PCDHGB6: variants seen among roughly 807,000 people sequenced by gnomAD.
PCDHGB6 encodes the protein protocadherin gamma-B6.
A neutral mutation model predicts 59.1 loss-of-function variants in PCDHGB6; 51 were observed. The ratio of observed to expected loss-of-function variants is 0.86; its 90% confidence interval spans 0.69 to 1.09. The LOEUF (loss-of-function observed/expected upper bound fraction) is 1.09. Ranked by LOEUF, PCDHGB6 falls within the 50% of genes least tolerant of loss-of-function variation. The pLI, the probability that PCDHGB6 is intolerant of heterozygous loss-of-function variation, is 0.00. For synonymous variants in PCDHGB6, 466 were observed against 495.1 expected (o/e 0.94, Z 0.78); for missense variants, 1,148 against 1,205.1 (o/e 0.95, Z 0.70).
At chr5:141,506,863 G>A (rs1162975959) in intron 3 of PCDHGB6, among the ~76,000 whole-genome samples, 1 of 152,120 alleles carries the variant, frequency 6.6e-6, no homozygotes, top group Non-Finnish European at 1.5e-5. Context: ...GAGGACTGGT[G>A]GGTAGAGAAC....
At chr5:141,463,034 G>A (rs2099051345) in intron 1 of PCDHGB6, among the ~76,000 whole-genome samples, 2 of 152,112 alleles carry the variant, frequency 1.3e-5, no homozygotes, top group African/African-American at 4.8e-5. Flanking sequence ...ATTAATCTGA[G>A]TGTTCAGCAG....
chr5:141,455,314 T>G (rs565911988), intron 1 of PCDHGB6, among the ~76,000 whole-genome samples: 15 of 152,208 alleles, frequency 9.9e-5, no homozygotes, highest in African/African-American at 3.4e-4. Flanking sequence ...ATTAGCAATT[T>G]TGTGTGTGTG....
chr5:141,409,670 T>C lies in PCDHGB6; in HGVS notation c.1468T>C (p.Ser490Pro), dbSNP rs2095300697. 1.9e-6 allele frequency: 3 copies of C among 1,613,486 alleles called. No homozygotes were observed. In the East Asian group the frequency reaches 6.7e-5, roughly 36 times the overall value. ...DLGLNGHISY[S>P]IVASDLEPLA... ...GGGGCTCAATGGCCACATCTCCTACTCTATAGTGGCGAGTGACCTAGAGCC... is the reference window on the plus strand; with the variant it reads ...GGGGCTCAATGGCCACATCTCCTACCCTATAGTGGCGAGTGACCTAGAGCC... Residue 490 changes from serine to proline, a missense_variant, in exon 1 of 4, where the codon TCT becomes CCT. This residue lies in a region of PCDHGB6 where 549 missense variants were observed against 527.5 expected (regional missense o/e 1.04). Transcript: ENST00000520790.
At chr5:141,464,120 C>G (rs1297254980) in intron 1 of PCDHGB6, among the ~76,000 whole-genome samples, 1 of 151,976 alleles carries the variant, frequency 6.6e-6, no homozygotes, top group African/African-American at 2.4e-5. Flanking sequence ...CAAAAATTAG[C>G]TGGGTGTGGT....
At chr5:141,449,280 C>G (rs934214922) in intron 1 of PCDHGB6, among the ~76,000 whole-genome samples, 1 of 151,944 alleles carries the variant, frequency 6.6e-6, no homozygotes, top group East Asian at 1.9e-4. Context: ...CTCCTTCACC[C>G]GGATGCACCG....
intron 1 of PCDHGB6, among the ~76,000 whole-genome samples, chr5:141,482,207 G>T (rs983812650): frequency 6.6e-6 from 1 of 152,130 alleles, no homozygotes; most frequent in East Asian, 1.9e-4. Flanking sequence ...AAACAGACCA[G>T]GTACTTGTTT....
Position 141,489,712 on chromosome 5 carries a change from C to T in PCDHGB6, c.2419-5095C>T. On this transcript the variant is annotated intron_variant, in intron 1 of 3. Coordinates refer to ENST00000520790, the MANE Select transcript of PCDHGB6 (RefSeq NM_018926.3). The surrounding 1 kb of genome is among the most constrained non-coding windows in gnomAD (Gnocchi z 4.5). The stretch of plus-strand genomic sequence containing the variant: ...GGCACGATTCCCACTGGACAGTGCC[C>T]AGGATCCGGATGTGGGCACCAATAC... The T allele has an allele frequency of 6.2e-7, 1 of 1,614,162 alleles. No individual in the cohort carries two copies. The highest frequency in any genetic ancestry group is 1.1e-5 in the South Asian group (1 of 91,078).
intron 1 of PCDHGB6, 179 bp downstream of exon 1, chr5:141,410,799 C>T: frequency 2.9e-5 from 16 of 560,592 alleles, no homozygotes; most frequent in South Asian, 8.0e-5. Context: ...ATAAGTTGCT[C>T]TATCTTTTTG....
intron 3 of PCDHGB6, among the ~76,000 whole-genome samples, chr5:141,509,320 C>A (rs1261653347): frequency 6.6e-6 from 1 of 152,194 alleles, no homozygotes; most frequent in Non-Finnish European, 1.5e-5. Flanking sequence ...GGGAGAGAAG[C>A]TCTACTGCCA....
rs1485715812 is a variant in PCDHGB6, at chr5:141,485,804, G to T, written c.2419-9003G>T. The T allele has an allele frequency of 6.2e-7, 1 of 1,614,218 alleles. No individual in the cohort carries two copies. The highest frequency in any genetic ancestry group is 1.7e-5 in the Admixed American group (1 of 60,026). ...AGAGAAGCAATCGGACTACCGCCTG[G>T]TGCTGACTGCTGTCGATGGAGGGAA... On this transcript the variant is annotated intron_variant, in intron 1 of 3. Coordinates refer to ENST00000520790, the MANE Select transcript of PCDHGB6 (RefSeq NM_018926.3). This position sits in a 1 kb window ranked among gnomAD's most constrained non-coding sequence, Gnocchi z 5.7.
In PCDHGB6 at chr5:141,485,569, T is replaced by C; in HGVS notation, c.2419-9238T>C. The C allele has an allele frequency of 6.2e-7, 1 of 1,612,664 alleles. No individual in the cohort carries two copies. Among genetic ancestry groups the C allele is most frequent in the Non-Finnish European group, 8.5e-7 (1 of 1,178,890 alleles). ...TAGATGTGAATGATCACGCCCCCCG[T>C]TTTCCGCGGCAGCAGCTGGACTTGG... On this transcript the variant is annotated intron_variant, in intron 1 of 3. Coordinates refer to ENST00000520790, the MANE Select transcript of PCDHGB6 (RefSeq NM_018926.3). This position sits in a 1 kb window ranked among gnomAD's most constrained non-coding sequence, Gnocchi z 5.7.
intron 2 of PCDHGB6, among the ~76,000 whole-genome samples, chr5:141,500,281 T>A (rs1254933339): frequency 2.0e-5 from 3 of 151,934 alleles, no homozygotes; most frequent in Non-Finnish European, 4.4e-5. Context: ...CAATCTCGGC[T>A]CACTGCAAGC....
At chr5:141,446,798 T>C (rs1223789118) in intron 1 of PCDHGB6, among the ~76,000 whole-genome samples, 1 of 152,160 alleles carries the variant, frequency 6.6e-6, no homozygotes, top group Non-Finnish European at 1.5e-5. Flanking sequence ...AGTTCTTCCA[T>C]TGTGATCATC....
chr5:141,444,013 C>T (rs1226458485), intron 1 of PCDHGB6, among the ~76,000 whole-genome samples: 2 of 152,060 alleles, frequency 1.3e-5, no homozygotes, highest in Admixed American at 6.6e-5. Flanking sequence ...TGGGTATTGG[C>T]TTCTAAAAGG....
chr5:141,447,301 G>A (rs557269538), intron 1 of PCDHGB6, among the ~76,000 whole-genome samples: 39 of 152,060 alleles, frequency 2.6e-4, no homozygotes, highest in Non-Finnish European at 1.5e-4. Flanking sequence ...CACCACACCC[G>A]GCTAATTTTT....
rs1248191692 is a variant in PCDHGB6, at chr5:141,419,519, G to T, written c.2418+8899G>T. The T allele has an allele frequency of 1.9e-6, 3 of 1,612,180 alleles. No homozygotes were observed. Among genetic ancestry groups the T allele is most frequent in the Non-Finnish European group, 1.7e-6 (2 of 1,179,504 alleles). ...TGTGAGCCTGCGCGTGTTGGTGGGC[G>T]ACCGTAACGACAACGCACCGCGGGT... On this transcript the variant is annotated intron_variant, in intron 1 of 3. Coordinates refer to ENST00000520790, the MANE Select transcript of PCDHGB6 (RefSeq NM_018926.3).
chr5:141,410,438 G>A lies in PCDHGB6; in HGVS notation c.2236G>A (p.Gly746Arg), dbSNP rs957017717. 2.5e-6 allele frequency: 4 copies of A among 1,613,894 alleles called. No homozygotes were observed. The highest frequency in any genetic ancestry group is 2.7e-5 in the African/African-American group (2 of 74,926). The part of the protein sequence containing the change: ...GPVVPPNYSE[G>R]TLPYSYNLCI... ...TGTAGTTCCCCCCAACTACAGTGAGGGGACTTTGCCTTATTCTTATAATCT... is the reference window on the plus strand; with the variant it reads ...TGTAGTTCCCCCCAACTACAGTGAGAGGACTTTGCCTTATTCTTATAATCT... Residue 746 changes from glycine (G) to arginine (R), a missense_variant, in exon 1 of 4, where the codon GGG becomes AGG. By Grantham distance (125) the Gly-to-Arg change is moderately radical (BLOSUM62 -2). Coordinates refer to ENST00000520790, the MANE Select transcript of PCDHGB6 (RefSeq NM_018926.3).
rs769607720 is a variant in PCDHGB6 at position 141,489,346 on chromosome 5, G to A, written c.2419-5461G>A. 4 of 1,611,652 alleles carry A rather than the reference G, an allele frequency of 2.5e-6. No individual in the cohort carries two copies. The highest frequency in any genetic ancestry group is 3.4e-6 in the Non-Finnish European group (4 of 1,178,446). On this transcript the variant is annotated intron_variant, in intron 1 of 3. Transcript: ENST00000520790. The surrounding 1 kb of genome is among the most constrained non-coding windows in gnomAD (Gnocchi z 4.5). Reference sequence around the variant, plus strand: ...GTCTGGGCAGCTTCGTTACTCAGTGGTGGAGGAGTCTGAGCCGGGGACGCT... The same window carrying A: ...GTCTGGGCAGCTTCGTTACTCAGTGATGGAGGAGTCTGAGCCGGGGACGCT...
chr5:141,498,437 G>C (rs996627716), intron 2 of PCDHGB6, among the ~76,000 whole-genome samples: 1 of 152,170 alleles, frequency 6.6e-6, no homozygotes, highest in Non-Finnish European at 1.5e-5. Flanking sequence ...GGGATGAAGA[G>C]GAGAGGTTCC....
Sources: gnomAD v4.1 joint callset for allele counts (sites outside exome capture counted in the v4.1 genomes callset) on GRCh38, gnomAD v4.1.1 for gene constraint, gnomAD v4.1.1 regional missense constraint, Gnocchi (gnomAD v3.1) non-coding constraint, MANE v1.5 for transcripts, NCBI Gene and HGNC (gene_info 2026-07-23, HGNC 2026-07-21) for gene names.